The following B4GALT5 variants were observed in gnomAD, a reference collection of about 807,000 sequenced individuals.
The protein encoded by B4GALT5 is UDP-Gal:beta-GlcNAc beta-1,4-galactosyltransferase 5.
In B4GALT5, 11 loss-of-function variants were observed where a neutral mutation model predicts 45.0. That is an observed-to-expected ratio of 0.24 (90% CI 0.15 to 0.40). The LOEUF (loss-of-function observed/expected upper bound fraction) is 0.40, where lower values mean the gene tolerates loss of function less well. Among genes scored for constraint, B4GALT5 ranks in the 10% least tolerant of loss-of-function variants. The pLI is 1.00. For synonymous variants in B4GALT5, 185 were observed against 182.9 expected (o/e 1.01, Z -0.09); for missense variants, 337 against 500.2 (o/e 0.67, Z 3.11).
At chr20:49,691,083 G>A (rs775186056) in intron 1 of B4GALT5, among the ~76,000 whole-genome samples, 2 of 152,114 alleles carry the variant, frequency 1.3e-5, no homozygotes, top group African/African-American at 2.4e-5. Flanking sequence ...ATGATCAACC[G>A]GGTGTTTGCT....
chr20:49,712,021 C>T (rs1203038055), intron 1 of B4GALT5, among the ~76,000 whole-genome samples: 1 of 152,202 alleles, frequency 6.6e-6, no homozygotes, highest in Non-Finnish European at 1.5e-5. Context: ...GCAGAATTTA[C>T]TCTCCCTGCC....
intron 1 of B4GALT5, chr20:49,684,609 G>A (rs6512586): frequency 0.53 from 272,401 of 517,860 alleles, 73,488 homozygotes; most frequent in South Asian, 0.65. Flanking sequence ...ACATATCAAG[G>A]ACATAAGCAC....
intron 2 of B4GALT5, among the ~76,000 whole-genome samples, chr20:49,648,279 G>A (rs60569030): frequency 0.09 from 13,727 of 152,124 alleles, 682 homozygotes; most frequent in Admixed American, 0.14. Context: ...AAGAGGCTGG[G>A]GCATATGTAA....
chr20:49,660,220 T>G (rs1452982075), intron 1 of B4GALT5, among the ~76,000 whole-genome samples: 1 of 152,014 alleles, frequency 6.6e-6, no homozygotes, highest in Non-Finnish European at 1.5e-5. Context: ...ACTAACGGAG[T>G]TGTCCAGATG....
chr20:49,643,514 T>C lies in B4GALT5; in HGVS notation c.489+12A>G, dbSNP rs755019668. On this transcript the variant is annotated intron_variant, in intron 4 of 8. Coordinates refer to ENST00000371711, the MANE Select transcript of B4GALT5 (RefSeq NM_004776.4). ...GGCTTCTCAGCATTTTGGCTGTGACTTCACACCCTACCTTCCACCGAGGCA... is the reference window on the plus strand; with the variant it reads ...GGCTTCTCAGCATTTTGGCTGTGACCTCACACCCTACCTTCCACCGAGGCA... The C allele has an allele frequency of 6.2e-7, 1 of 1,613,782 alleles. No individual in the cohort carries two copies. Among genetic ancestry groups the C allele is most frequent in the Non-Finnish European group, 8.5e-7 (1 of 1,179,856 alleles).
chr20:49,654,967 CTACAAACAA>C (rs2085636188), intron 2 of B4GALT5, among the ~76,000 whole-genome samples: 1 of 151,886 alleles, frequency 6.6e-6, no homozygotes, highest in African/African-American at 2.4e-5. Flanking sequence ...TTAGCCATGT[CTACAAACAA>C]TACAAAAAAT....
At chr20:49,642,250 C>G (rs1601246161) in intron 5 of B4GALT5, among the ~76,000 whole-genome samples, 3 of 152,284 alleles carry the variant, frequency 2.0e-5, no homozygotes, top group Admixed American at 2.0e-4. Flanking sequence ...CATGAGCCAA[C>G]AAAGCTCTCT....
intron 1 of B4GALT5, among the ~76,000 whole-genome samples, chr20:49,692,975 G>C (rs910536601): frequency 6.6e-6 from 1 of 152,110 alleles, no homozygotes; most frequent in African/African-American, 2.4e-5. Flanking sequence ...TACCTTTTCT[G>C]TTTAGATATA....
intron 1 of B4GALT5, among the ~76,000 whole-genome samples, chr20:49,659,336 T>C (rs957856440): frequency 6.6e-6 from 1 of 152,208 alleles, no homozygotes; most frequent in Non-Finnish European, 1.5e-5. Flanking sequence ...GCAAATCCCA[T>C]TAATCCTTCA....
intron 1 of B4GALT5, among the ~76,000 whole-genome samples, chr20:49,663,690 A>ATATATATATATAT (rs1296656944): frequency 3.1e-5 from 3 of 96,958 alleles, no homozygotes; most frequent in African/African-American, 1.3e-4. Context: ...AAAAAAAAAA[A>ATATATATATATAT]ATATATACAT....
Position 49,642,588 on chromosome 20 carries a change from G to C in B4GALT5, c.490-4C>G. On this transcript the variant is annotated splice_region_variant and splice_polypyrimidine_tract_variant and intron_variant, in intron 4 of 8. Coordinates refer to ENST00000371711, the MANE Select transcript of B4GALT5 (RefSeq NM_004776.4). ...GGAAGGGGATAAGGATCGCCACCTGGAGTGGATTACAGCAAAAGAAGCACA... is the reference window on the plus strand; with the variant it reads ...GGAAGGGGATAAGGATCGCCACCTGCAGTGGATTACAGCAAAAGAAGCACA... 1 of 1,606,404 alleles carries C rather than the reference G, an allele frequency of 6.2e-7. No individual in the cohort carries two copies.
At chr20:49,688,956 CAG>C (rs1555813847) in intron 1 of B4GALT5, among the ~76,000 whole-genome samples, 1 of 131,372 alleles carries the variant, frequency 7.6e-6, no homozygotes, top group Non-Finnish European at 1.6e-5. Flanking sequence ...AAAAAAAAAA[CAG>C]GGTGTAATAT....
Position 49,643,402 on chromosome 20 carries a change from A to G in B4GALT5, c.489+124T>C. The G allele has an allele frequency of 3.1e-6, 4 of 1,294,502 alleles. 1 individual carries two copies. Among genetic ancestry groups the G allele is most frequent in the African/African-American group, 1.5e-5 (1 of 67,234 alleles). The allele number at this position is 1,294,502 out of a possible 1,614,324, so 80.2% of individuals were successfully genotyped here. A position where few individuals can be genotyped will look rare whatever the true frequency, so the allele number is the denominator to read the frequency against. On this transcript the variant is annotated intron_variant, in intron 4 of 8. Transcript: ENST00000371711. The stretch of plus-strand genomic sequence containing the variant: ...ACCCATTCCTCTAAAATGTTTCTAC[A>G]TTTGCATGGAATGGTAGGATGAAAA...
At chr20:49,688,693 C>T (rs577694539) in intron 1 of B4GALT5, among the ~76,000 whole-genome samples, 1 of 152,226 alleles carries the variant, frequency 6.6e-6, no homozygotes, top group African/African-American at 2.4e-5. Context: ...AATCCCAACA[C>T]TTTGGGAGGC....
chr20:49,692,418 G>A (rs1251503587), intron 1 of B4GALT5, among the ~76,000 whole-genome samples: 1 of 152,094 alleles, frequency 6.6e-6, no homozygotes, highest in Admixed American at 6.5e-5. Flanking sequence ...AGTGAGCTAT[G>A]ATCGCATCAC....
intron 1 of B4GALT5, among the ~76,000 whole-genome samples, chr20:49,711,653 A>G (rs1416232084): frequency 2.6e-5 from 4 of 152,224 alleles, no homozygotes; most frequent in Admixed American, 6.5e-5. Flanking sequence ...TTGTTCTGCC[A>G]GAATCCCAAC....
At chr20:49,665,481 A>C (rs193045862) in intron 1 of B4GALT5, among the ~76,000 whole-genome samples, 1 of 138,220 alleles carries the variant, frequency 7.2e-6, no homozygotes. Flanking sequence ...TAATAATAAT[A>C]ATGAAGAAAC....
intron 1 of B4GALT5, among the ~76,000 whole-genome samples, chr20:49,712,837 TG>T (rs765196296): frequency 0.32 from 13,826 of 42,746 alleles, 1,934 homozygotes; most frequent in African/African-American, 0.46. Flanking sequence ...GTACGCGAGG[TG>T]GGGGGGGGGG....
chr20:49,641,530 T>C (rs997027648), intron 5 of B4GALT5, among the ~76,000 whole-genome samples: 34 of 152,184 alleles, frequency 2.2e-4, no homozygotes, highest in Admixed American at 6.5e-4. Flanking sequence ...TGACTCCCCC[T>C]TGCCACTATC....
Sources: allele counts gnomAD v4.1 joint callset (sites outside exome capture counted in the v4.1 genomes callset), GRCh38; gene constraint gnomAD v4.1.1; transcripts MANE v1.5; gene names NCBI Gene and HGNC (gene_info 2026-07-23, HGNC 2026-07-21).